LRIF1: variants seen among roughly 807,000 people sequenced by gnomAD.
The protein encoded by LRIF1 is ligand-dependent nuclear receptor-interacting factor 1.
Under a neutral mutation model 52.7 loss-of-function variants are expected in LRIF1, and 32 were observed. The observed-to-expected ratio is 0.61, with a 90% CI of 0.46 to 0.82. The LOEUF is 0.82. LRIF1 is among the 40% of genes least tolerant of loss of function. The probability of loss-of-function intolerance (pLI) is 0.00; values close to 1 mark genes in which losing one functional copy is unlikely to be tolerated. For missense variants in LRIF1, 887 were observed against 892.0 expected (o/e 0.99, Z 0.07); for synonymous variants, 323 against 317.4 (o/e 1.02, Z -0.19).
intron 1 of LRIF1, among the ~76,000 whole-genome samples, chr1:110,959,932 TCAACTG>T (rs924520679): frequency 1.3e-5 from 2 of 152,048 alleles, no homozygotes; most frequent in African/African-American, 4.8e-5. Context: ...TATATTTTTT[TCAACTG>T]CTAGGAAATC....
At chr1:110,961,827 T>A (rs1463005212) in intron 1 of LRIF1, among the ~76,000 whole-genome samples, 1 of 152,106 alleles carries the variant, frequency 6.6e-6, no homozygotes, top group Non-Finnish European at 1.5e-5. Context: ...CAGAATGGAA[T>A]CAAATACGCA....
chr1:110,951,545 CT>C lies in LRIF1; in HGVS notation c.1338del (p.Val447TrpfsTer13). The C allele has an allele frequency of 1.9e-6, 3 of 1,614,132 alleles. No individual in the cohort carries two copies. Among genetic ancestry groups the C allele is most frequent in the Non-Finnish European group, 2.5e-6 (3 of 1,180,020 alleles). ...GTGGTAGAAGGAGATGGTTTCTCCA[CT>C]TTATTCTTCTCTGCCCTTAGATTGG... is the stretch of plus-strand genomic sequence containing the variant. ...SMANLRAEKNKVEKPSPSTTN... is the reference protein window; with the variant it reads ...SMANLRAEKNXVEKPSPSTTN... On this transcript the variant is annotated frameshift_variant, in exon 2 of 4. Coordinates refer to ENST00000369763, the MANE Select transcript of LRIF1 (RefSeq NM_018372.4). LOFTEE classifies it high-confidence loss of function.
chr1:110,886,142 C>T, the LRIF1 span, among the ~76,000 whole-genome samples: 1 of 151,974 alleles, frequency 6.6e-6, no homozygotes, highest in Non-Finnish European at 1.5e-5. Flanking sequence ...TTTAGTATGA[C>T]AATTTTTTTT....
chr1:110,951,920 CA>C lies in LRIF1; in HGVS notation c.963del (p.Phe321LeufsTer2), dbSNP rs1658497436. 1.2e-6 allele frequency: 2 copies of C among 1,613,930 alleles called. No individual in the cohort carries two copies. The highest frequency in any genetic ancestry group is 1.7e-6 in the Non-Finnish European group (2 of 1,179,964). On this transcript the variant is annotated frameshift_variant, in exon 2 of 4. Coordinates refer to ENST00000369763, the MANE Select transcript of LRIF1 (RefSeq NM_018372.4). LOFTEE classifies it high-confidence loss of function. ...NNVASKILKTFVDRKNLGDNT... is the reference protein window; with the variant it reads ...NNVASKILKTXVDRKNLGDNT... ...TTATCTCCCAAATTTTTCCTATCTA[CA>C]AAAGTTTTTAAAATCTTTGAAGCCA...
At chr1:110,879,029 G>T in the LRIF1 span, among the ~76,000 whole-genome samples, 3 of 151,772 alleles carry the variant, frequency 2.0e-5, no homozygotes, top group Admixed American at 2.0e-4. Flanking sequence ...ATTTCTTTTT[G>T]TTTTTTTATT....
At chr1:110,935,638 T>C in the LRIF1 span, among the ~76,000 whole-genome samples, 1 of 152,076 alleles carries the variant, frequency 6.6e-6, no homozygotes, top group Non-Finnish European at 1.5e-5. Context: ...ACCTGTTATT[T>C]GAAAATACAG....
At chr1:110,955,785 G>C (rs937752302) in intron 1 of LRIF1, among the ~76,000 whole-genome samples, 2 of 152,154 alleles carry the variant, frequency 1.3e-5, no homozygotes, top group East Asian at 1.9e-4. Context: ...ATCAAAGAAG[G>C]GATCTTTCCT....
chr1:110,949,339 C>T (rs1015666289), intron 3 of LRIF1, among the ~76,000 whole-genome samples: 77 of 150,756 alleles, frequency 5.1e-4, no homozygotes, highest in Non-Finnish European at 7.4e-4. Context: ...AAGATGGTCT[C>T]GATCTCTTGA....
chr1:110,909,649 C>T, the LRIF1 span, among the ~76,000 whole-genome samples: 56 of 142,518 alleles, frequency 3.9e-4, no homozygotes, highest in Non-Finnish European at 6.3e-4. Flanking sequence ...GGCGCGATCT[C>T]GGCTTACCGC....
At chr1:110,950,219 A>C in intron 2 of LRIF1, 96 bp from the exon 3 acceptor site, 1 of 1,388,264 alleles carries the variant, frequency 7.2e-7, no homozygotes, top group Non-Finnish European at 9.7e-7. Context: ...ACATAAAAGA[A>C]CATATCATGC....
chr1:110,888,215 G>A, the LRIF1 span, among the ~76,000 whole-genome samples: 12 of 152,242 alleles, frequency 7.9e-5, 1 homozygote, highest in Admixed American at 5.2e-4. Context: ...ATAAATTTGC[G>A]TTGCTAAGGC....
At chr1:110,915,726 T>C in the LRIF1 span, among the ~76,000 whole-genome samples, 1 of 152,222 alleles carries the variant, frequency 6.6e-6, no homozygotes, top group Non-Finnish European at 1.5e-5. Context: ...CCGGGTGTTA[T>C]ACACAAGGCC....
the LRIF1 span, among the ~76,000 whole-genome samples, chr1:110,876,546 T>C: frequency 8.5e-5 from 13 of 152,316 alleles, no homozygotes; most frequent in South Asian, 2.7e-3. Context: ...AGAAATGATT[T>C]TAATGCCTCA....
intron 3 of LRIF1, among the ~76,000 whole-genome samples, chr1:110,949,567 C>A (rs952671797): frequency 1.3e-5 from 2 of 151,098 alleles, no homozygotes; most frequent in Non-Finnish European, 2.9e-5. Context: ...TTACAGGCAA[C>A]CACCACCAGG....
the LRIF1 span, among the ~76,000 whole-genome samples, chr1:110,902,403 A>G: frequency 6.6e-6 from 1 of 151,672 alleles, no homozygotes; most frequent in African/African-American, 2.4e-5. Flanking sequence ...TAAACCTTTC[A>G]TAATAAGGCT....
the LRIF1 span, among the ~76,000 whole-genome samples, chr1:110,902,198 T>C: frequency 6.6e-6 from 1 of 152,196 alleles, no homozygotes; most frequent in Non-Finnish European, 1.5e-5. Flanking sequence ...TTGAAACTCT[T>C]CAATGACTCT....
the LRIF1 span, chr1:110,891,412 G>A: frequency 5.1e-5 from 82 of 1,612,976 alleles, no homozygotes; most frequent in African/African-American, 1.0e-3. Context: ...TCACGGCATG[G>A]GCATGAGTAG....
At chr1:110,883,531 C>T in the LRIF1 span, among the ~76,000 whole-genome samples, 1 of 151,818 alleles carries the variant, frequency 6.6e-6, no homozygotes, top group East Asian at 1.9e-4. Context: ...TATCTTTCTG[C>T]TTTTAGTATC....
At chr1:110,897,726 C>A in the LRIF1 span, 2 of 789,612 alleles carry the variant, frequency 2.5e-6, no homozygotes, top group South Asian at 1.7e-5. Flanking sequence ...AAGCAAAATG[C>A]AAAGCACTGT....
Sources: allele counts gnomAD v4.1 joint callset (sites outside exome capture counted in the v4.1 genomes callset), GRCh38; gene constraint gnomAD v4.1.1; transcripts MANE v1.5; gene names NCBI Gene and HGNC (gene_info 2026-07-23, HGNC 2026-07-21).